FAM107B: variants seen among roughly 807,000 people sequenced by gnomAD.
FAM107B encodes family with sequence similarity 107 member B, also known as protein FAM107B.
In FAM107B, 21 loss-of-function variants were observed where a neutral mutation model predicts 31.5. That is an observed-to-expected ratio of 0.67 (90% CI 0.47 to 0.96). The LOEUF is 0.96. Ranked by LOEUF, FAM107B falls within the 40% of genes least tolerant of loss-of-function variation. The probability of loss-of-function intolerance (pLI) is 0.00; values close to 1 mark genes in which losing one functional copy is unlikely to be tolerated. For synonymous variants in FAM107B, 157 were observed against 141.5 expected (o/e 1.11, Z -0.78); for missense variants, 452 against 377.1 (o/e 1.20, Z -1.64).
At chr10:14,770,489 C>T (rs1833276991) in intron 1 of FAM107B, among the ~76,000 whole-genome samples, 1 of 152,072 alleles carries the variant, frequency 6.6e-6, no homozygotes, top group African/African-American at 2.4e-5. Flanking sequence ...CACCACTACA[C>T]TCCAGTCTGG....
intron 1 of FAM107B, among the ~76,000 whole-genome samples, chr10:14,774,007 T>G (rs1042317851): frequency 6.6e-6 from 1 of 152,210 alleles, no homozygotes; most frequent in Admixed American, 6.5e-5. Flanking sequence ...CCCTAGCCCG[T>G]TAATTCAAGG....
rs532358100 is a variant in FAM107B, at chr10:14,577,509, AT to A, written c.470-46995del. Among the ~76,000 whole-genome samples the A allele has an allele frequency of 1.7e-3, 263 of 152,350 alleles. 1 individual carries two copies. Among genetic ancestry groups the A allele is most frequent in the African/African-American group, 5.8e-3 (240 of 41,586 alleles). The stretch of plus-strand genomic sequence containing the variant: ...GCATAGTACGAAGAAATAAAAAAAA[AT>A]GTTCTAGTCTTAAAAATTGTTTCTT... On this transcript the variant is annotated intron_variant, in intron 2 of 4. Transcript: ENST00000181796.
intron 1 of FAM107B, among the ~76,000 whole-genome samples, chr10:14,708,330 T>G (rs898358180): frequency 1.3e-5 from 2 of 152,108 alleles, no homozygotes; most frequent in African/African-American, 2.4e-5. Context: ...ATCCACCTGC[T>G]GGGGCCTCTC....
intron 2 of FAM107B, among the ~76,000 whole-genome samples, chr10:14,557,277 T>C (rs2131133358): frequency 6.6e-6 from 1 of 152,372 alleles, no homozygotes; most frequent in African/African-American, 2.4e-5. Context: ...CAGGGCCATT[T>C]CTGGTTTGTA....
At chr10:14,729,104 C>T (rs1856104335) in intron 1 of FAM107B, among the ~76,000 whole-genome samples, 1 of 151,988 alleles carries the variant, frequency 6.6e-6, no homozygotes, top group Admixed American at 6.6e-5. Context: ...GCAGTCCTCC[C>T]ACCTCAGCCT....
Position 14,530,475 on chromosome 10 carries a change from G to A in FAM107B, c.510C>T (p.Leu170=). Residue 170 remains leucine, a synonymous_variant, in exon 3 of 5, where the codon CTC becomes CTT. Transcript: ENST00000181796. ...PEDIDHKDSY[L]ITRSIMAEPD... ...GCTCGGCCATGATGCTTCTTGTAAT[G>A]AGATATGAGTCCTTATGGTCAATAT... 6.2e-7 allele frequency: 1 copy of A among 1,614,004 alleles called. No homozygotes were observed. The highest frequency in any genetic ancestry group is 8.5e-7 in the Non-Finnish European group (1 of 1,180,024).
chr10:14,626,452 A>G (rs1270521345), intron 2 of FAM107B, among the ~76,000 whole-genome samples: 1 of 151,250 alleles, frequency 6.6e-6, no homozygotes. Flanking sequence ...GTTAGTTATC[A>G]CAGGACCTGA....
At chr10:14,628,261 C>G (rs144777755) in intron 2 of FAM107B, among the ~76,000 whole-genome samples, 1 of 151,618 alleles carries the variant, frequency 6.6e-6, no homozygotes, top group African/African-American at 2.4e-5. Flanking sequence ...GGATTACAGG[C>G]GCCCACCATC....
At chr10:14,675,099 A>G (rs1050810381) in intron 1 of FAM107B, among the ~76,000 whole-genome samples, 3 of 152,092 alleles carry the variant, frequency 2.0e-5, no homozygotes, top group African/African-American at 7.2e-5. Context: ...TTAAACTGCT[A>G]TATTTTTTTC....
chr10:14,700,223 G>A (rs763857655), intron 1 of FAM107B, among the ~76,000 whole-genome samples: 6 of 152,088 alleles, frequency 3.9e-5, no homozygotes, highest in Non-Finnish European at 5.9e-5. Context: ...GTGAGCCACC[G>A]CGCCAGGCCA....
chr10:14,761,206 G>C (rs1833040558), intron 1 of FAM107B, among the ~76,000 whole-genome samples: 1 of 151,976 alleles, frequency 6.6e-6, no homozygotes, highest in Non-Finnish European at 1.5e-5. Flanking sequence ...CATTTCTTAG[G>C]GCAACAAACT....
chr10:14,621,111 T>G (rs1352956514), intron 2 of FAM107B, among the ~76,000 whole-genome samples: 3 of 152,234 alleles, frequency 2.0e-5, no homozygotes, highest in African/African-American at 7.2e-5. Flanking sequence ...GGATTTTTAA[T>G]GTAGATAATC....
chr10:14,671,188 A>T (rs145775806), intron 1 of FAM107B, among the ~76,000 whole-genome samples: 8 of 152,304 alleles, frequency 5.3e-5, no homozygotes, highest in Admixed American at 5.2e-4. Context: ...CACGCCCATC[A>T]GTCTGCTGCA....
intron 1 of FAM107B, among the ~76,000 whole-genome samples, chr10:14,731,484 C>T (rs1230278191): frequency 2.0e-5 from 3 of 152,150 alleles, no homozygotes; most frequent in Non-Finnish European, 2.9e-5. Flanking sequence ...ATCACTTGAG[C>T]CCAGGAGGCG....
At chr10:14,650,836 A>G (rs1336048138) in intron 2 of FAM107B, among the ~76,000 whole-genome samples, 1 of 152,208 alleles carries the variant, frequency 6.6e-6, no homozygotes, top group Non-Finnish European at 1.5e-5. Flanking sequence ...TAAAAATAAT[A>G]TTTTTTAAAA....
chr10:14,541,964 G>T (rs1013370671), intron 2 of FAM107B, among the ~76,000 whole-genome samples: 2 of 152,056 alleles, frequency 1.3e-5, no homozygotes, highest in Non-Finnish European at 2.9e-5. Context: ...GTATTAAAAC[G>T]TACTGAATGG....
chr10:14,676,164 C>CAAAA (rs1854678290), intron 1 of FAM107B, among the ~76,000 whole-genome samples: 1 of 151,928 alleles, frequency 6.6e-6, no homozygotes, highest in African/African-American at 2.4e-5. Context: ...GTCTCAGAAT[C>CAAAA]AAAAACAAAA....
chr10:14,600,492 A>G (rs1043726784), intron 2 of FAM107B, among the ~76,000 whole-genome samples: 1 of 125,224 alleles, frequency 8.0e-6, no homozygotes, highest in African/African-American at 3.1e-5. Flanking sequence ...TGACATTTCC[A>G]CCATCAGAAA....
chr10:14,645,664 T>C (rs1335857772), intron 2 of FAM107B, among the ~76,000 whole-genome samples: 1 of 152,184 alleles, frequency 6.6e-6, no homozygotes, highest in African/African-American at 2.4e-5. Flanking sequence ...CTTTCTCTTT[T>C]ACAAGTGGAA....
Sources: gnomAD v4.1 joint callset for allele counts (sites outside exome capture counted in the v4.1 genomes callset) on GRCh38, gnomAD v4.1.1 for gene constraint, MANE v1.5 for transcripts, NCBI Gene and HGNC (gene_info 2026-07-23, HGNC 2026-07-21) for gene names.